Variants in CHRDL2 observed in about 807,000 individuals in gnomAD.
CHRDL2 encodes chordin like 2.
A neutral mutation model predicts 54.3 loss-of-function variants in CHRDL2; 41 were observed. The observed-to-expected ratio is 0.76, with a 90% CI of 0.59 to 0.98. The LOEUF (loss-of-function observed/expected upper bound fraction) is 0.98, where lower values mean the gene tolerates loss of function less well. CHRDL2 is among the 50% of genes least tolerant of loss of function. The pLI, the probability that CHRDL2 is intolerant of heterozygous loss-of-function variation, is 0.00. For synonymous variants in CHRDL2, 220 were observed against 224.3 expected (o/e 0.98, Z 0.17); for missense variants, 518 against 562.4 (o/e 0.92, Z 0.80).
intron 9 of CHRDL2, among the ~76,000 whole-genome samples, chr11:74,700,643 A>ATTATTT (rs1554984229): frequency 0.026 from 3,471 of 135,886 alleles, 60 homozygotes; most frequent in East Asian, 0.038. Context: ...TATTATTATT[A>ATTATTT]TTTTTTTTTT....
rs535610108 is a variant in CHRDL2 at position 74,714,106 on chromosome 11, G to A, written c.196-627C>T. On this transcript the variant is annotated intron_variant, in intron 2 of 10. Coordinates refer to ENST00000376332, the MANE Select transcript of CHRDL2 (RefSeq NM_001278473.3). ...AGAGAGACAAGCAGAAACCGAGGCA[G>A]AGTGGCCACCACCCCTCGTGGGGGT... is the stretch of plus-strand genomic sequence containing the variant. Among the ~76,000 whole-genome samples the A allele has an allele frequency of 7.2e-5, 11 of 152,230 alleles. No individual in the cohort carries two copies. The South Asian group carries it at 1.2e-3, about 17-fold the overall frequency.
chr11:74,727,422 C>A (rs1333729163), intron 1 of CHRDL2, among the ~76,000 whole-genome samples: 1 of 152,052 alleles, frequency 6.6e-6, no homozygotes, highest in Non-Finnish European at 1.5e-5. Flanking sequence ...TTGTTTTTTT[C>A]TCAGCAGGGT....
At chr11:74,728,286 A>C (rs2034600824) in intron 1 of CHRDL2, among the ~76,000 whole-genome samples, 1 of 152,152 alleles carries the variant, frequency 6.6e-6, no homozygotes, top group Non-Finnish European at 1.5e-5. Flanking sequence ...CTGTTTCTGA[A>C]AGCACCTAAG....
intron 3 of CHRDL2, among the ~76,000 whole-genome samples, chr11:74,712,253 A>G (rs2034215622): frequency 6.6e-6 from 1 of 152,108 alleles, no homozygotes; most frequent in African/African-American, 2.4e-5. Context: ...GGAGCCTCTA[A>G]CTCAGCCGGG....
chr11:74,726,639 G>A (rs2034575276), intron 1 of CHRDL2, among the ~76,000 whole-genome samples: 1 of 152,226 alleles, frequency 6.6e-6, no homozygotes, highest in African/African-American at 2.4e-5. Flanking sequence ...ATGGTTGGCG[G>A]CTGGGGGAAC....
At chr11:74,697,694 G>C (rs1342799722) in intron 9 of CHRDL2, 1 of 445,020 alleles carries the variant, frequency 2.2e-6, no homozygotes, top group Admixed American at 2.5e-5. Context: ...CCTGTCACCT[G>C]CACCATCCTG....
chr11:74,706,673 G>T, intron 5 of CHRDL2, 131 bp from the exon 6 acceptor site: 1 of 778,442 alleles, frequency 1.3e-6, no homozygotes, highest in Non-Finnish European at 2.1e-6. Flanking sequence ...CAGCCCACTA[G>T]CCAGCTCCTT....
In CHRDL2 at chr11:74,730,898, A is replaced by G. The variant is rs2135283662; in HGVS notation, c.-10T>C. On this transcript the variant is annotated 5_prime_UTR_variant, in exon 1 of 11. Transcript: ENST00000376332. ...TCACCTCGGGAACCATCCTTTCCCC[A>G]GGGTCAGGCCGCTGGTCCGGGAGCG... is the stretch of plus-strand genomic sequence containing the variant. 2 of 1,603,484 alleles carry G rather than the reference A, an allele frequency of 1.2e-6. No individual in the cohort carries two copies. Among genetic ancestry groups the G allele is most frequent in the African/African-American group, 1.3e-5 (1 of 74,908 alleles).
chr11:74,703,205 C>T lies in CHRDL2; in HGVS notation c.946+100G>A, dbSNP rs953256580. ...GCATCCTGTGGCACCGATGCATGCC[C>T]TTCCATGTCTGAGATGCTCCAAGTG... is the stretch of plus-strand genomic sequence containing the variant. On this transcript the variant is annotated intron_variant, in intron 8 of 10. Transcript: ENST00000376332. The T allele has an allele frequency of 1.2e-5, 17 of 1,395,670 alleles. No homozygotes were observed. In the African/African-American group the frequency reaches 1.3e-4, roughly 11 times the overall value. 86.5% of individuals were successfully genotyped at this position (1,395,670 alleles called of 1,614,324 possible).
At chr11:74,719,030 T>A in intron 1 of CHRDL2, 198 bp from the exon 2 acceptor site, 1 of 577,276 alleles carries the variant, frequency 1.7e-6, no homozygotes, top group East Asian at 2.9e-5. Context: ...TACCACACAC[T>A]TACTGTGCAA....
In CHRDL2 at chr11:74,718,715, C is replaced by T. The variant is rs1479639682; in HGVS notation, c.195+5G>A. The T allele has an allele frequency of 3.1e-6, 5 of 1,597,500 alleles. No homozygotes were observed. Among genetic ancestry groups the T allele is most frequent in the Non-Finnish European group, 3.4e-6 (4 of 1,166,084 alleles). On this transcript the variant is annotated splice_donor_5th_base_variant and intron_variant, in intron 2 of 10. Coordinates refer to ENST00000376332, the MANE Select transcript of CHRDL2 (RefSeq NM_001278473.3). ...ACAGGTGGTCAGGTGGCCAGAGGAA[C>T]CTACCTCTGAGCAGGTACAGCGCAG...
chr11:74,720,685 A>G (rs1369737940), intron 1 of CHRDL2, among the ~76,000 whole-genome samples: 2 of 152,254 alleles, frequency 1.3e-5, no homozygotes, highest in Non-Finnish European at 1.5e-5. Context: ...TTTGAAACAG[A>G]ATCGCAGAGC....
chr11:74,720,497 A>G (rs1169266128), intron 1 of CHRDL2, among the ~76,000 whole-genome samples: 4 of 151,656 alleles, frequency 2.6e-5, no homozygotes, highest in Non-Finnish European at 5.9e-5. Flanking sequence ...TCCAGGGCCT[A>G]AAGGCCTTCT....
chr11:74,702,881 A>T lies in CHRDL2; in HGVS notation c.1033T>A (p.Ser345Thr). 6.2e-7 allele frequency: 1 copy of T among 1,614,124 alleles called. No individual in the cohort carries two copies. The change falls in exon 9 of 11, where the codon TCC becomes ACC. Residue 345 changes from serine (S) to threonine (T), a missense_variant. Coordinates refer to ENST00000376332, the MANE Select transcript of CHRDL2 (RefSeq NM_001278473.3). ...CGACGCAGGTTGTCTGGGCTTGGGG[A>T]TACCGATGTGTGGACGAGGACCCGG... ...PGRVLVHTSV[S>T]PSPDNLRRFA...
At chr11:74,699,695 C>T (rs1191822725) in intron 9 of CHRDL2, 1 of 152,252 alleles carries the variant, frequency 6.6e-6, no homozygotes, top group East Asian at 1.9e-4. Flanking sequence ...GGTTAGATTC[C>T]TGTGTCTGGG....
intron 5 of CHRDL2, among the ~76,000 whole-genome samples, chr11:74,707,069 C>T (rs2034034229): frequency 6.6e-6 from 1 of 152,216 alleles, no homozygotes; most frequent in Admixed American, 6.5e-5. Context: ...CCCTGGGAAA[C>T]CAGCACACAA....
At chr11:74,722,143 A>C (rs1470673524) in intron 1 of CHRDL2, among the ~76,000 whole-genome samples, 1 of 152,098 alleles carries the variant, frequency 6.6e-6, no homozygotes, top group Non-Finnish European at 1.5e-5. Context: ...AGTGTGAAGG[A>C]GGTAGAGTTT....
chr11:74,703,487 C>A lies in CHRDL2; in HGVS notation c.764G>T (p.Gly255Val). The A allele has an allele frequency of 6.2e-7, 1 of 1,600,396 alleles. No homozygotes were observed. The change falls in exon 8 of 11, where the codon GGC becomes GTC. Residue 255 changes from glycine (G) to valine (V), a missense_variant. Transcript: ENST00000376332. ...KEKHKKACVH[G>V]GKTYSHGEVW... is the part of the protein sequence containing the mutation. ...CTCCCCGTGGGAGTACGTCTTCCCG[C>A]CATGCACACAGGCTGAATAAGGAGG...
At chr11:74,700,577 T>A (rs1219058054) in intron 9 of CHRDL2, among the ~76,000 whole-genome samples, 3 of 151,448 alleles carry the variant, frequency 2.0e-5, no homozygotes, top group Admixed American at 2.0e-4. Context: ...AGGCCCAGAG[T>A]AAACATGTGG....
Sources: gnomAD v4.1 joint callset for allele counts (sites outside exome capture counted in the v4.1 genomes callset) on GRCh38, gnomAD v4.1.1 for gene constraint, MANE v1.5 for transcripts, NCBI Gene and HGNC (gene_info 2026-07-23, HGNC 2026-07-21) for gene names.